The following GCSH variants were observed in gnomAD, a reference collection of about 807,000 sequenced individuals.
GCSH encodes glycine cleavage system protein H.
Under a neutral mutation model 21.3 loss-of-function variants are expected in GCSH, and 15 were observed. That is an observed-to-expected ratio of 0.70 (90% CI 0.47 to 1.08). GCSH has a LOEUF of 1.08. Among genes scored for constraint, GCSH ranks in the 50% least tolerant of loss-of-function variants. The probability of loss-of-function intolerance (pLI) is 0.00; values close to 1 mark genes in which losing one functional copy is unlikely to be tolerated. For missense variants in GCSH, 179 were observed against 217.5 expected (o/e 0.82, Z 1.11); for synonymous variants, 59 against 84.5 (o/e 0.70, Z 1.66).
Position 81,082,213 on chromosome 16 carries a change from G to A in GCSH, c.*653C>T. The A allele has an allele frequency of 2.2e-6, 1 of 453,942 alleles. No individual in the cohort carries two copies. The highest frequency in any genetic ancestry group is 4.4e-6 in the Non-Finnish European group (1 of 226,722). 28.1% of individuals were successfully genotyped at this position (453,942 alleles called of 1,614,324 possible). A position where few individuals can be genotyped will look rare whatever the true frequency, so the allele number is the denominator to read the frequency against. On this transcript the variant is annotated 3_prime_UTR_variant, in exon 5 of 5. Transcript: ENST00000315467. ...AAACATTTTCTTGGAGCTTTGCATTGTTCTGGCTTAAATTTCCTTTTAAAA... is the reference window on the plus strand; with the variant it reads ...AAACATTTTCTTGGAGCTTTGCATTATTCTGGCTTAAATTTCCTTTTAAAA...
chr16:81,087,288 G>A (rs556157770), intron 3 of GCSH, among the ~76,000 whole-genome samples: 72 of 152,222 alleles, frequency 4.7e-4, no homozygotes, highest in African/African-American at 1.7e-3. Flanking sequence ...CATTTTGGGA[G>A]GCCAAGGCGG....
chr16:81,084,034 G>A (rs1446870066), intron 4 of GCSH: 6 of 203,430 alleles, frequency 2.9e-5, no homozygotes, highest in Admixed American at 1.6e-4. Flanking sequence ...GTGGAGTGGT[G>A]CGATCTTGGC....
At chr16:81,087,522 T>A in intron 3 of GCSH, 79 bp downstream of exon 3, 1 of 1,005,720 alleles carries the variant, frequency 9.9e-7, no homozygotes, top group Non-Finnish European at 1.6e-6. Flanking sequence ...CTCTAATTAA[T>A]CCAGGGTACA....
chr16:81,090,095 T>C (rs1035493498), intron 2 of GCSH, among the ~76,000 whole-genome samples: 4 of 150,386 alleles, frequency 2.7e-5, no homozygotes, highest in African/African-American at 7.4e-5. Context: ...TTTCTTTCTT[T>C]CTTTTTTTTT....
chr16:81,094,884 G>A (rs1172847555), intron 1 of GCSH, among the ~76,000 whole-genome samples: 5 of 152,170 alleles, frequency 3.3e-5, no homozygotes, highest in African/African-American at 1.2e-4. Context: ...ATCACTTGAG[G>A]TCAGGAGTTT....
At chr16:81,095,377 A>ATTTTTTTTTTTTTTTTTTTTT (rs78295348) in intron 1 of GCSH, among the ~76,000 whole-genome samples, 1 of 146,338 alleles carries the variant, frequency 6.8e-6, no homozygotes, top group African/African-American at 2.6e-5. Context: ...TGGCGCTTTA[A>ATTTTTTTTTTTTTTTTTTTTT]TTTTTTTTTT....
At chr16:81,087,717 T>C in intron 2 of GCSH, 53 bp from the exon 3 acceptor site, 1 of 1,227,210 alleles carries the variant, frequency 8.1e-7, no homozygotes, top group South Asian at 1.2e-5. Flanking sequence ...AACTAAACCC[T>C]CCAGTAAACA....
At chr16:81,083,664 C>A (rs8177941) in intron 4 of GCSH, 5,239 of 152,746 alleles carry the variant, frequency 0.034, 236 homozygotes, top group African/African-American at 0.11. Flanking sequence ...CAAAAGAGAA[C>A]TACAACCTAA....
intron 1 of GCSH, among the ~76,000 whole-genome samples, chr16:81,091,450 C>T (rs75633863): frequency 0.031 from 4,665 of 152,172 alleles, 195 homozygotes; most frequent in African/African-American, 0.1. Flanking sequence ...TACGGTCAAA[C>T]GATTCAGGGA....
rs138984162 is a variant in GCSH at position 81,093,968 on chromosome 16, C to A, written c.148+2163G>T. On this transcript the variant is annotated intron_variant, in intron 1 of 4. Coordinates refer to ENST00000315467, the MANE Select transcript of GCSH (RefSeq NM_004483.5). The stretch of plus-strand genomic sequence containing the variant: ...CCAAGCTGGAGTGTAGTGGTGCAAT[C>A]TAGGCTCGCTGCAACCTCTGCCTCC... Among the ~76,000 whole-genome samples, 742 of 152,082 alleles carry A rather than the reference C, an allele frequency of 4.9e-3. 7 individuals are homozygous for A. The highest frequency in any genetic ancestry group is 0.017 in the African/African-American group (714 of 41,482).
chr16:81,088,912 G>A (rs973423436), intron 2 of GCSH, among the ~76,000 whole-genome samples: 7 of 152,136 alleles, frequency 4.6e-5, no homozygotes, highest in Non-Finnish European at 1.0e-4. Flanking sequence ...CCGTTCCGAT[G>A]CCATCATGTA....
intron 3 of GCSH, among the ~76,000 whole-genome samples, chr16:81,086,420 G>A (rs1321091710): frequency 2.0e-5 from 3 of 152,010 alleles, no homozygotes; most frequent in African/African-American, 4.8e-5. Flanking sequence ...AGCCTGGTGT[G>A]GTTGTGCATG....
chr16:81,096,306 C>T lies in GCSH; in HGVS notation c.-28G>A, dbSNP rs1477516477. ...TCGCAGGGGTGCGGGGGTCGCAGCG[C>T]TACGCCTCGGCCACCCGCGCCGGGA... is the stretch of plus-strand genomic sequence containing the variant. On this transcript the variant is annotated 5_prime_UTR_variant, in exon 1 of 5. Transcript: ENST00000315467. 2.8e-5 allele frequency: 38 copies of T among 1,355,582 alleles called. No homozygotes were observed. Among genetic ancestry groups the T allele is most frequent in the Non-Finnish European group, 3.3e-5 (35 of 1,059,980 alleles). 84.0% of individuals were successfully genotyped at this position (1,355,582 alleles called of 1,614,324 possible).
chr16:81,086,571 A>AAG, intron 3 of GCSH, among the ~76,000 whole-genome samples: 1 of 151,210 alleles, frequency 6.6e-6, no homozygotes, highest in African/African-American at 2.4e-5. Context: ...AAATAAGAAG[A>AAG]AAAAAAAAAG....
chr16:81,096,378 T>G lies in GCSH; in HGVS notation c.-100A>C, dbSNP rs190237263. Reference sequence around the variant, plus strand: ...TCGCGGCCGGAGGGAGCCGGCTGGATGGAGGCGCGGAGGCGGTGCCGCGGG... The same window carrying G: ...TCGCGGCCGGAGGGAGCCGGCTGGAGGGAGGCGCGGAGGCGGTGCCGCGGG... On this transcript the variant is annotated 5_prime_UTR_variant, in exon 1 of 5. Coordinates refer to ENST00000315467, the MANE Select transcript of GCSH (RefSeq NM_004483.5). The G allele has an allele frequency of 1.2e-5, 12 of 1,041,502 alleles. No individual in the cohort carries two copies. The highest frequency in any genetic ancestry group is 9.0e-5 in the South Asian group (4 of 44,590). 64.5% of individuals were successfully genotyped at this position (1,041,502 alleles called of 1,614,324 possible).
At chr16:81,094,338 G>C (rs991755622) in intron 1 of GCSH, among the ~76,000 whole-genome samples, 4 of 151,694 alleles carry the variant, frequency 2.6e-5, no homozygotes, top group African/African-American at 9.7e-5. Context: ...ATTAGTATTA[G>C]TCAATTTTTC....
Position 81,090,582 on chromosome 16 carries a change from T to C in GCSH, c.228+19A>G. The C allele has an allele frequency of 1.3e-6, 2 of 1,503,610 alleles. No individual in the cohort carries two copies. The highest frequency in any genetic ancestry group is 1.9e-6 in the Non-Finnish European group (2 of 1,080,440). The allele number at this position is 1,503,610 out of a possible 1,614,324, so 93.1% of individuals were successfully genotyped here. A position where few individuals can be genotyped will look rare whatever the true frequency, so the allele number is the denominator to read the frequency against. On this transcript the variant is annotated intron_variant, in intron 2 of 4. Transcript: ENST00000315467. ...ATGCAAGAGCACACTGGGACAAATATTTCAATATAATCCAATACCTGTGCA... is the reference window on the plus strand; with the variant it reads ...ATGCAAGAGCACACTGGGACAAATACTTCAATATAATCCAATACCTGTGCA...
chr16:81,096,150 A>G lies in GCSH; in HGVS notation c.129T>C (p.Thr43=), dbSNP rs867378019. Residue 43 remains threonine (T), a synonymous_variant, in exon 1 of 5, where the codon ACT becomes ACC. Transcript: ENST00000315467. ...GCTTACCCGAGAGCAGAGCGGGTCC[A>G]GTGCGCAGCGTACGGACGGCGCCCA... ...LGVGAVRTLR[T]GPALLSVRKF... The G allele has an allele frequency of 9.2e-6, 12 of 1,306,334 alleles. No individual in the cohort carries two copies. In the African/African-American group the frequency reaches 1.5e-4, roughly 17 times the overall value. The allele number at this position is 1,306,334 out of a possible 1,614,324, so 80.9% of individuals were successfully genotyped here.
At chr16:81,085,559 C>A (rs1972256202) in intron 3 of GCSH, among the ~76,000 whole-genome samples, 1 of 152,162 alleles carries the variant, frequency 6.6e-6, no homozygotes, top group Non-Finnish European at 1.5e-5. Context: ...GTGAAGTACC[C>A]TGTATCAGAT....
Sources: gnomAD v4.1 joint callset for allele counts (sites outside exome capture counted in the v4.1 genomes callset) on GRCh38, gnomAD v4.1.1 for gene constraint, MANE v1.5 for transcripts, NCBI Gene and HGNC (gene_info 2026-07-23, HGNC 2026-07-21) for gene names.